Variants in KAZN observed in about 807,000 individuals in gnomAD.
The protein encoded by KAZN is kazrin, periplakin interacting protein, also known as kazrin.
A neutral mutation model predicts 87.4 loss-of-function variants in KAZN; 40 were observed. That is an observed-to-expected ratio of 0.46 (90% CI 0.36 to 0.60). The LOEUF is 0.60. Among genes scored for constraint, KAZN ranks in the 20% least tolerant of loss-of-function variants. The pLI, the probability that KAZN is intolerant of heterozygous loss-of-function variation, is 0.00. For missense variants in KAZN, 898 were observed against 1,073.9 expected (o/e 0.84, Z 2.29); for synonymous variants, 466 against 458.3 (o/e 1.02, Z -0.22).
chr1:15,005,204 G>A (rs1410213929), intron 2 of KAZN, among the ~76,000 whole-genome samples: 2 of 151,462 alleles, frequency 1.3e-5, no homozygotes, highest in Non-Finnish European at 3.0e-5. Flanking sequence ...GGTTTTATTT[G>A]GAAAAAAAAA....
At chr1:14,456,763 C>G (rs1475367607) in intron 2 of KAZN, among the ~76,000 whole-genome samples, 1 of 152,052 alleles carries the variant, frequency 6.6e-6, no homozygotes, top group Non-Finnish European at 1.5e-5. Context: ...AGGTTATATG[C>G]CCACAGGTAA....
Position 14,203,272 on chromosome 1 carries a change from G to A in KAZN, c.249+22680G>A, listed in dbSNP as rs368940896. On this transcript the variant is annotated intron_variant, in intron 2 of 16. Transcript: ENST00000636203. ...AATATCCAGTGTCTGCATACAGTAG[G>A]GGATCAATAAATACTTCATTAGAAG... is the stretch of plus-strand genomic sequence containing the variant. 2.7e-4 allele frequency among the ~76,000 whole-genome samples: 41 copies of A among 152,154 alleles called. 1 individual carries two copies. The South Asian group carries it at 8.5e-3, about 32-fold the overall frequency.
chr1:14,361,439 C>T (rs1659503066), intron 2 of KAZN, among the ~76,000 whole-genome samples: 1 of 152,208 alleles, frequency 6.6e-6, no homozygotes, highest in Non-Finnish European at 1.5e-5. Context: ...GCTTCAGCCC[C>T]CTCTTCCAGA....
At chr1:14,473,826 G>A (rs1668581460) in intron 2 of KAZN, among the ~76,000 whole-genome samples, 1 of 152,060 alleles carries the variant, frequency 6.6e-6, no homozygotes, top group African/African-American at 2.4e-5. Context: ...CTTTGCAAGT[G>A]TTGTTTCCTC....
At chr1:14,964,681 G>A (rs558753517) in intron 2 of KAZN, among the ~76,000 whole-genome samples, 9 of 152,334 alleles carry the variant, frequency 5.9e-5, no homozygotes, top group Non-Finnish European at 8.8e-5. Flanking sequence ...GATGTTGGGC[G>A]ACGCTTGTTA....
chr1:15,062,161 A>G (rs543564231), intron 6 of KAZN: 27 of 152,350 alleles, frequency 1.8e-4, no homozygotes, highest in African/African-American at 6.5e-4. Context: ...GGCCTCTTGA[A>G]TTGCATTTGA....
At chr1:14,271,628 A>G (rs1651941523) in intron 2 of KAZN, among the ~76,000 whole-genome samples, 1 of 152,082 alleles carries the variant, frequency 6.6e-6, no homozygotes, top group African/African-American at 2.4e-5. Flanking sequence ...CTTTTTATCT[A>G]CTTACACATG....
At chr1:14,154,822 C>A (rs1489810877) in intron 1 of KAZN, among the ~76,000 whole-genome samples, 1 of 152,154 alleles carries the variant, frequency 6.6e-6, no homozygotes, top group African/African-American at 2.4e-5. Context: ...GTTGAACCAT[C>A]CTTGCATCCC....
chr1:13,903,380 C>T (rs767863423), intron 1 of KAZN, among the ~76,000 whole-genome samples: 12 of 152,156 alleles, frequency 7.9e-5, no homozygotes, highest in East Asian at 1.9e-4. Context: ...GCGTTTTTGT[C>T]GGCCCTTTAT....
At chr1:14,595,680 C>CAAAAAAAAAAAAAAAA (rs34080804), upstream of KAZN, among the ~76,000 whole-genome samples, 2 of 96,678 alleles carry the variant, frequency 2.1e-5, no homozygotes, top group African/African-American at 4.5e-5. Flanking sequence ...GACTGCGTCT[C>CAAAAAAAAAAAAAAAA]AAAAAAAAAA....
chr1:14,942,475 C>T (rs375656360), intron 1 of KAZN, among the ~76,000 whole-genome samples: 13 of 152,360 alleles, frequency 8.5e-5, no homozygotes, highest in African/African-American at 2.4e-4. Context: ...CGTTAACACG[C>T]AGTGTTTCTG....
At chr1:14,651,391 T>C (rs919051952) in intron 1 of KAZN, among the ~76,000 whole-genome samples, 3 of 152,188 alleles carry the variant, frequency 2.0e-5, no homozygotes, top group African/African-American at 7.2e-5. Context: ...GGGGAGGTTT[T>C]CTTTAACTTT....
At chr1:14,478,308 T>A in intron 2 of KAZN, among the ~76,000 whole-genome samples, 1 of 140,708 alleles carries the variant, frequency 7.1e-6, no homozygotes, top group South Asian at 2.3e-4. Flanking sequence ...GGAGGATATA[T>A]GGATGGATAG....
intron 1 of KAZN, among the ~76,000 whole-genome samples, chr1:14,917,365 C>T (rs766724463): frequency 1.9e-4 from 29 of 152,298 alleles, no homozygotes; most frequent in African/African-American, 5.5e-4. Context: ...GCAACAAAGG[C>T]GGCCCAGGGG....
chr1:14,502,365 G>A (rs1249604208), intron 2 of KAZN, among the ~76,000 whole-genome samples: 2 of 152,140 alleles, frequency 1.3e-5, no homozygotes, highest in African/African-American at 4.8e-5. Flanking sequence ...AGACCTGAAG[G>A]CAATAGTTTT....
chr1:14,165,957 G>A (rs756453516), intron 1 of KAZN, among the ~76,000 whole-genome samples: 3 of 152,068 alleles, frequency 2.0e-5, no homozygotes, highest in Admixed American at 1.3e-4. Flanking sequence ...ATTCTCTCAC[G>A]GTCATACAAA....
chr1:15,033,994 C>A (rs775212372), intron 2 of KAZN, among the ~76,000 whole-genome samples: 1 of 152,226 alleles, frequency 6.6e-6, no homozygotes, highest in Non-Finnish European at 1.5e-5. Context: ...CCTGCCTCAG[C>A]CTCCCAAATT....
Position 15,114,460 on chromosome 1 carries a change from T to C in KAZN, c.2164-11T>C. The C allele has an allele frequency of 6.2e-7, 1 of 1,602,524 alleles. No homozygotes were observed. Among genetic ancestry groups the C allele is most frequent in the Non-Finnish European group, 8.5e-7 (1 of 1,173,318 alleles). On this transcript the variant is annotated splice_polypyrimidine_tract_variant and intron_variant, in intron 14 of 14. Coordinates refer to ENST00000376030, the MANE Select transcript of KAZN (RefSeq NM_201628.3). The stretch of plus-strand genomic sequence containing the variant: ...TCTTCCTGTCCTTTGATCATATTCT[T>C]CTCTTCTCAGCTGCCCCTGGGGAAG...
chr1:15,011,891 G>A (rs1173872633), intron 2 of KAZN, among the ~76,000 whole-genome samples: 4 of 152,202 alleles, frequency 2.6e-5, no homozygotes, highest in South Asian at 4.2e-4. Flanking sequence ...GGTGGTGGAC[G>A]CGGCCAGTCC....
Sources: allele counts gnomAD v4.1 joint callset (sites outside exome capture counted in the v4.1 genomes callset), GRCh38; gene constraint gnomAD v4.1.1; transcripts MANE v1.5; gene names NCBI Gene and HGNC (gene_info 2026-07-23, HGNC 2026-07-21).